Variants in KCNU1 observed in about 807,000 individuals in gnomAD.
KCNU1 encodes the protein potassium calcium-activated channel subfamily U member 1, also known as potassium channel subfamily U member 1.
A neutral mutation model predicts 126.8 loss-of-function variants in KCNU1; 93 were observed. The observed-to-expected ratio is 0.73, with a 90% CI of 0.62 to 0.87. KCNU1 has a LOEUF of 0.87. Ranked by LOEUF, KCNU1 falls within the 40% of genes least tolerant of loss-of-function variation. KCNU1 has a pLI of 0.00. For synonymous variants in KCNU1, 523 were observed against 494.2 expected, an observed-to-expected ratio of 1.06 and a Z score of -0.77; for missense variants, 1,330 against 1,367.1, an observed-to-expected ratio of 0.97 and a Z score of 0.43.
intron 19 of KCNU1, among the ~76,000 whole-genome samples, chr8:36,876,239 G>A (rs1262783781): frequency 6.6e-6 from 1 of 152,096 alleles, no homozygotes; most frequent in Non-Finnish European, 1.5e-5. Context: ...GAACCCACTG[G>A]CATAAGGCTT....
At chr8:36,930,820 T>C (rs1386869351) in intron 24 of KCNU1, 131 bp from the exon 25 acceptor site, 1 of 550,568 alleles carries the variant, frequency 1.8e-6, no homozygotes, top group African/African-American at 2.0e-5. Context: ...ATAATAATAA[T>C]GAGAAACACT....
At chr8:36,845,691 G>A (rs1345599833) in intron 17 of KCNU1, 22 bp downstream of exon 17, 5 of 1,548,932 alleles carry the variant, frequency 3.2e-6, no homozygotes, top group Non-Finnish European at 1.8e-6. Context: ...ATTTTATGGG[G>A]GAAAAGCACT....
rs895529969 is a variant in KCNU1, at chr8:36,928,865, T to G, written c.2737-2086T>G. On this transcript the variant is annotated intron_variant, in intron 24 of 26. Transcript: ENST00000399881. ...TGTCAGAACCACTCAGAGTGCCCTTTAAATTCTGATTCCCATTCCTGTCCA... is the reference window on the plus strand; with the variant it reads ...TGTCAGAACCACTCAGAGTGCCCTTGAAATTCTGATTCCCATTCCTGTCCA... 6.8e-6 allele frequency: 4 copies of G among 590,910 alleles called. No homozygotes were observed. The Admixed American group carries it at 8.7e-5, about 13-fold the overall frequency. 36.6% of individuals were successfully genotyped at this position (590,910 alleles called of 1,614,324 possible). A position where few individuals can be genotyped will look rare whatever the true frequency, so the allele number is the denominator to read the frequency against.
intron 10 of KCNU1, among the ~76,000 whole-genome samples, chr8:36,818,824 G>C (rs1278101094): frequency 6.6e-6 from 1 of 152,168 alleles, no homozygotes; most frequent in Non-Finnish European, 1.5e-5. Flanking sequence ...ACCGATAGCA[G>C]TTTGAAGCAC....
chr8:36,916,515 GA>G (rs1340459634), intron 22 of KCNU1, among the ~76,000 whole-genome samples: 1 of 152,124 alleles, frequency 6.6e-6, no homozygotes, highest in Non-Finnish European at 1.5e-5. Context: ...ACATGAAACA[GA>G]TAAGGCATCT....
intron 14 of KCNU1, among the ~76,000 whole-genome samples, chr8:36,839,731 C>T (rs1476660527): frequency 2.6e-5 from 4 of 152,146 alleles, no homozygotes; most frequent in African/African-American, 7.2e-5. Context: ...CTGAGATTCT[C>T]GGTTTTAAGA....
chr8:36,786,233 T>C (rs1563254100), intron 1 of KCNU1, among the ~76,000 whole-genome samples: 1 of 152,154 alleles, frequency 6.6e-6, no homozygotes, highest in Non-Finnish European at 1.5e-5. Context: ...TCTATAAATA[T>C]GAGTTTATTA....
rs756308750 is a variant in KCNU1 at position 36,841,034 on chromosome 8, G to GTTTT, written c.1703+50_1703+53dup. 5.4e-3 allele frequency: 3,056 copies of GTTTT among 561,006 alleles called. 4 individuals carry two copies. The highest frequency in any genetic ancestry group is 0.013 in the South Asian group (532 of 39,768). 34.8% of individuals were successfully genotyped at this position (561,006 alleles called of 1,614,324 possible). A position where few individuals can be genotyped will look rare whatever the true frequency, so the allele number is the denominator to read the frequency against. On this transcript the variant is annotated intron_variant, in intron 16 of 26. Transcript: ENST00000399881. ...AATAAGTCTGCTCATCTCTTCAGTT[G>GTTTT]TTTTTTTTTTTTTTTTTTTTTTCCT... is the stretch of plus-strand genomic sequence containing the variant.
chr8:36,814,857 C>A (rs1452369867), intron 8 of KCNU1, among the ~76,000 whole-genome samples: 3 of 152,194 alleles, frequency 2.0e-5, no homozygotes, highest in Admixed American at 2.0e-4. Flanking sequence ...TAGTGACTTT[C>A]ATTTCAATTC....
chr8:36,793,929 C>T (rs1210006945), intron 2 of KCNU1, among the ~76,000 whole-genome samples: 2 of 151,934 alleles, frequency 1.3e-5, no homozygotes, highest in African/African-American at 2.4e-5. Flanking sequence ...TGGTGCTCGC[C>T]TGTAATCCCA....
intron 24 of KCNU1, among the ~76,000 whole-genome samples, chr8:36,927,483 G>A (rs986461555): frequency 6.6e-6 from 1 of 152,108 alleles, no homozygotes; most frequent in Non-Finnish European, 1.5e-5. Context: ...ATTTGAACTT[G>A]GGGAGCACTT....
At chr8:36,892,582 A>G (rs941568622) in intron 19 of KCNU1, among the ~76,000 whole-genome samples, 9 of 148,510 alleles carry the variant, frequency 6.1e-5, no homozygotes, top group Non-Finnish European at 1.3e-4. Flanking sequence ...AAATAATATT[A>G]TATGACAACT....
At position 36,936,028 on chromosome 8, in the gene KCNU1, C is replaced by T. The variant is rs1808848188; in HGVS notation, c.*108C>T. On this transcript the variant is annotated 3_prime_UTR_variant, in exon 27 of 27. Transcript: ENST00000399881. Reference sequence around the variant, plus strand: ...GAATGGAAGCATGCCATTTTTCTGCCCATTGCTTAGTGGTTCATGAAGGCC... The same window carrying T: ...GAATGGAAGCATGCCATTTTTCTGCTCATTGCTTAGTGGTTCATGAAGGCC... 9.5e-7 allele frequency: 1 copy of T among 1,048,994 alleles called. No individual in the cohort carries two copies. Among genetic ancestry groups the T allele is most frequent in the East Asian group, 2.5e-5 (1 of 40,560 alleles). The allele number at this position is 1,048,994 out of a possible 1,614,324, so 65.0% of individuals were successfully genotyped here.
At chr8:36,858,259 C>T (rs551526929) in intron 18 of KCNU1, among the ~76,000 whole-genome samples, 1 of 147,588 alleles carries the variant, frequency 6.8e-6, no homozygotes, top group South Asian at 2.2e-4. Flanking sequence ...CCTATTTCTA[C>T]AGGGTAATTC....
At chr8:36,897,106 C>A (rs1026720713) in intron 19 of KCNU1, among the ~76,000 whole-genome samples, 12 of 151,988 alleles carry the variant, frequency 7.9e-5, no homozygotes, top group African/African-American at 2.9e-4. Flanking sequence ...ACTCACTTAT[C>A]AGCATGCACA....
Position 36,817,216 on chromosome 8 carries a change from C to T in KCNU1, c.996-434C>T, listed in dbSNP as rs546951534. On this transcript the variant is annotated intron_variant, in intron 9 of 26. Coordinates refer to ENST00000399881, the MANE Select transcript of KCNU1 (RefSeq NM_001031836.3). ...TTCAATGTTTAAAATCTGGGTGATG[C>T]AGGCCAGGCACAGTGGCTCGTGCCT... 1.5e-4 allele frequency among the ~76,000 whole-genome samples: 23 copies of T among 152,004 alleles called. No homozygotes were observed. The South Asian group carries it at 4.1e-3, about 27-fold the overall frequency.
At chr8:36,930,566 C>T (rs753278345) in intron 24 of KCNU1, among the ~76,000 whole-genome samples, 2 of 152,000 alleles carry the variant, frequency 1.3e-5, no homozygotes, top group South Asian at 2.1e-4. Context: ...ATCTACAGAA[C>T]GTCTCAGTAA....
intron 19 of KCNU1, among the ~76,000 whole-genome samples, chr8:36,903,966 C>T (rs943220158): frequency 2.2e-4 from 33 of 152,158 alleles, no homozygotes; most frequent in Admixed American, 1.4e-3. Flanking sequence ...TTACCTCCCA[C>T]TGGGTCCCTC....
At chr8:36,791,696 A>T (rs889779072) in intron 2 of KCNU1, among the ~76,000 whole-genome samples, 2 of 152,192 alleles carry the variant, frequency 1.3e-5, no homozygotes, top group African/African-American at 4.8e-5. Context: ...GGTGCCTGGA[A>T]TGACTAAATT....
Sources: gnomAD v4.1 joint callset for allele counts (sites outside exome capture counted in the v4.1 genomes callset) on GRCh38, gnomAD v4.1.1 for gene constraint, MANE v1.5 for transcripts, NCBI Gene and HGNC (gene_info 2026-07-23, HGNC 2026-07-21) for gene names.